MACROD2: variants seen among roughly 807,000 people sequenced by gnomAD.
MACROD2 encodes ADP-ribose glycohydrolase MACROD2.
MACROD2 carries 36 observed loss-of-function variants against 70.4 expected under a neutral mutation model. That is an observed-to-expected ratio of 0.51 (90% CI 0.39 to 0.68). MACROD2 has a LOEUF of 0.68. Among genes scored for constraint, MACROD2 ranks in the 30% least tolerant of loss-of-function variants. The pLI, the probability that MACROD2 is intolerant of heterozygous loss-of-function variation, is 0.00. For synonymous variants in MACROD2, 172 were observed against 178.8 expected (o/e 0.96, Z 0.30); for missense variants, 496 against 538.4 (o/e 0.92, Z 0.78).
In MACROD2 at chr20:14,088,386, A is replaced by C. The variant is rs1208624514; in HGVS notation, c.271+2658A>C. On this transcript the variant is annotated intron_variant, in intron 3 of 17. Coordinates refer to ENST00000684519, the MANE Select transcript of MACROD2 (RefSeq NM_001351661.2). ...TGTTTATAGAATTTAGGGCATATAC[A>C]TCAATATATATAGACACATAAAAGA... 2.0e-5 allele frequency among the ~76,000 whole-genome samples: 3 copies of C among 152,040 alleles called. No homozygotes were observed. The East Asian group carries it at 5.8e-4, about 29-fold the overall frequency.
intron 10 of MACROD2, among the ~76,000 whole-genome samples, chr20:15,927,514 T>A (rs2065508435): frequency 6.6e-6 from 1 of 152,160 alleles, no homozygotes; most frequent in South Asian, 2.1e-4. Context: ...CCTTGATTTC[T>A]TCATCTGCAA....
chr20:14,728,514 G>C (rs543048618), intron 5 of MACROD2, among the ~76,000 whole-genome samples: 3 of 152,304 alleles, frequency 2.0e-5, no homozygotes, highest in African/African-American at 7.2e-5. Context: ...GCTAAAGCCA[G>C]ATTCCATTTA....
intron 4 of MACROD2, among the ~76,000 whole-genome samples, chr20:14,498,206 A>G (rs1445605241): frequency 1.3e-5 from 2 of 149,934 alleles, no homozygotes; most frequent in Non-Finnish European, 2.9e-5. Context: ...GTGATAGGTG[A>G]TAGGTGCACC....
chr20:15,876,486 A>G (rs150857953), intron 9 of MACROD2, among the ~76,000 whole-genome samples: 2,844 of 152,132 alleles, frequency 0.019, 101 homozygotes, highest in African/African-American at 0.065. Context: ...GTGTATATGT[A>G]CCACATTTTC....
At chr20:15,033,993 A>G (rs1214709233) in intron 5 of MACROD2, among the ~76,000 whole-genome samples, 3 of 152,212 alleles carry the variant, frequency 2.0e-5, no homozygotes, top group Non-Finnish European at 4.4e-5. Context: ...TGAAGATTAA[A>G]TAAGACTCAT....
intron 2 of MACROD2, among the ~76,000 whole-genome samples, chr20:14,054,501 A>C (rs2053610527): frequency 6.6e-6 from 1 of 152,070 alleles, no homozygotes; most frequent in African/African-American, 2.4e-5. Context: ...CCATGTAATG[A>C]AGATTTGTTT....
At chr20:14,466,364 T>A (rs1345116764) in intron 3 of MACROD2, among the ~76,000 whole-genome samples, 2 of 152,148 alleles carry the variant, frequency 1.3e-5, no homozygotes, top group Non-Finnish European at 2.9e-5. Context: ...GTAGTTTTTG[T>A]GCCTTGGTTT....
chr20:15,417,098 A>C (rs980652518), intron 6 of MACROD2, among the ~76,000 whole-genome samples: 12 of 152,180 alleles, frequency 7.9e-5, no homozygotes, highest in African/African-American at 2.9e-4. Context: ...ATGCGTTGGT[A>C]AACTAGCAAC....
At chr20:14,771,705 TTATCC>T (rs1380610915) in intron 5 of MACROD2, among the ~76,000 whole-genome samples, 1 of 150,138 alleles carries the variant, frequency 6.7e-6, no homozygotes, top group Non-Finnish European at 1.5e-5. Context: ...ATGTTTATAC[TTATCC>T]TATACACACA....
At chr20:14,489,661 T>TA (rs1600295922) in intron 3 of MACROD2, among the ~76,000 whole-genome samples, 1 of 152,168 alleles carries the variant, frequency 6.6e-6, no homozygotes. Flanking sequence ...AAAACAAGTA[T>TA]AATTTCCTTT....
At chr20:14,438,179 G>A (rs552280638) in intron 3 of MACROD2, among the ~76,000 whole-genome samples, 1 of 151,972 alleles carries the variant, frequency 6.6e-6, no homozygotes, top group Admixed American at 6.5e-5. Context: ...TTTTCTTTCT[G>A]TGTCTGGCTT....
chr20:16,045,608 C>T (rs2067368828), intron 17 of MACROD2, among the ~76,000 whole-genome samples: 1 of 151,942 alleles, frequency 6.6e-6, no homozygotes, highest in Non-Finnish European at 1.5e-5. Flanking sequence ...AACGTCTTTG[C>T]CCTTGGTCAG....
chr20:14,528,485 A>T (rs1232413629), intron 4 of MACROD2, among the ~76,000 whole-genome samples: 3 of 151,960 alleles, frequency 2.0e-5, no homozygotes, highest in Non-Finnish European at 4.4e-5. Flanking sequence ...TGGTGTACAA[A>T]GTTCCTGATC....
At chr20:15,265,775 G>A (rs1187071285) in intron 6 of MACROD2, among the ~76,000 whole-genome samples, 1 of 151,886 alleles carries the variant, frequency 6.6e-6, no homozygotes, top group Non-Finnish European at 1.5e-5. Context: ...TTTGAATTAG[G>A]TTGCTATGTT....
chr20:15,640,345 A>G (rs1315391934), intron 8 of MACROD2, among the ~76,000 whole-genome samples: 1 of 152,162 alleles, frequency 6.6e-6, no homozygotes, highest in African/African-American at 2.4e-5. Context: ...ATGGTGATGG[A>G]GACTGAGACA....
chr20:14,445,875 C>A (rs1237152337), intron 3 of MACROD2, among the ~76,000 whole-genome samples: 1 of 152,256 alleles, frequency 6.6e-6, no homozygotes, highest in African/African-American at 2.4e-5. Context: ...ACAGTCATTT[C>A]TGATCACTGG....
intron 6 of MACROD2, among the ~76,000 whole-genome samples, chr20:15,348,590 A>G (rs981668628): frequency 4.6e-5 from 7 of 152,202 alleles, no homozygotes; most frequent in African/African-American, 1.7e-4. Context: ...GGTTTAATTG[A>G]CTCACAGTTC....
At chr20:15,475,804 TC>T (rs2047014825) in intron 7 of MACROD2, among the ~76,000 whole-genome samples, 1 of 152,182 alleles carries the variant, frequency 6.6e-6, no homozygotes, top group Non-Finnish European at 1.5e-5. Flanking sequence ...CCAGAAAGTC[TC>T]CTACCATCTG....
At chr20:14,217,344 C>T (rs1215329020) in intron 3 of MACROD2, among the ~76,000 whole-genome samples, 1 of 152,066 alleles carries the variant, frequency 6.6e-6, no homozygotes, top group Non-Finnish European at 1.5e-5. Flanking sequence ...TTCCTGCATC[C>T]CTGGTATGAA....
Sources: allele counts gnomAD v4.1 joint callset (sites outside exome capture counted in the v4.1 genomes callset), GRCh38; gene constraint gnomAD v4.1.1; transcripts MANE v1.5; gene names NCBI Gene and HGNC (gene_info 2026-07-23, HGNC 2026-07-21).